PSD3: variants seen among roughly 807,000 people sequenced by gnomAD.
The protein encoded by PSD3 is PH and SEC7 domain-containing protein 3.
PSD3 carries 49 observed loss-of-function variants against 105.5 expected under a neutral mutation model. The observed-to-expected ratio is 0.46, with a 90% CI of 0.37 to 0.59. PSD3 has a LOEUF of 0.59. Ranked by LOEUF, PSD3 falls within the 20% of genes least tolerant of loss-of-function variation. The pLI is 0.00. For synonymous variants in PSD3, 557 were observed against 457.8 expected (o/e 1.22, Z -2.77); for missense variants, 1,561 against 1,263.8 (o/e 1.24, Z -3.57).
intron 1 of PSD3, among the ~76,000 whole-genome samples, chr8:19,066,287 C>A (rs1829073423): frequency 6.6e-6 from 1 of 152,200 alleles, no homozygotes; most frequent in African/African-American, 2.4e-5. Context: ...ATTACACAAT[C>A]CATCTCAGTT....
In PSD3 at chr8:18,845,691, C is replaced by A. The variant is rs965528921; in HGVS notation, c.1634+21983G>T. On this transcript the variant is annotated intron_variant, in intron 4 of 15. Transcript: ENST00000327040. Reference sequence around the variant, plus strand: ...GTGGCTCGCACCTGTAATCCCAACACTTTGAGAGGGCAAAGCAGGAGGATC... The same window carrying A: ...GTGGCTCGCACCTGTAATCCCAACAATTTGAGAGGGCAAAGCAGGAGGATC... 2.6e-5 allele frequency among the ~76,000 whole-genome samples: 4 copies of A among 152,128 alleles called. No homozygotes were observed. In the East Asian group the frequency reaches 7.7e-4, roughly 29 times the overall value.
chr8:18,778,339 T>C (rs1585948287), intron 8 of PSD3, among the ~76,000 whole-genome samples: 1 of 152,196 alleles, frequency 6.6e-6, no homozygotes, highest in Non-Finnish European at 1.5e-5. Context: ...TTTACTGAGT[T>C]CATCTATCAG....
chr8:18,807,691 T>C (rs1320060239), intron 4 of PSD3, among the ~76,000 whole-genome samples: 1 of 152,192 alleles, frequency 6.6e-6, no homozygotes, highest in Non-Finnish European at 1.5e-5. Context: ...CTCAACACCT[T>C]GAACAGTTTC....
At chr8:19,010,741 C>T (rs991305161) in intron 1 of PSD3, among the ~76,000 whole-genome samples, 8 of 152,026 alleles carry the variant, frequency 5.3e-5, no homozygotes, top group Admixed American at 1.3e-4. Context: ...ATGGGCACTC[C>T]GAACAAATGC....
chr8:18,771,790 T>A (rs549679063), intron 8 of PSD3, among the ~76,000 whole-genome samples: 42 of 152,332 alleles, frequency 2.8e-4, no homozygotes, highest in South Asian at 1.4e-3. Flanking sequence ...AGTTCAGTAC[T>A]GTTTCACATT....
At chr8:19,058,925 A>T (rs1024836971) in intron 1 of PSD3, among the ~76,000 whole-genome samples, 9 of 152,172 alleles carry the variant, frequency 5.9e-5, no homozygotes, top group African/African-American at 2.2e-4. Flanking sequence ...TAATTGAAGG[A>T]TGGGCACCCA....
At chr8:19,025,181 T>A (rs1827504285) in intron 1 of PSD3, among the ~76,000 whole-genome samples, 1 of 138,306 alleles carries the variant, frequency 7.2e-6, no homozygotes, top group African/African-American at 2.5e-5. Context: ...TAGGATCTCA[T>A]TACACACTCA....
chr8:18,967,512 C>T (rs1379908143), intron 1 of PSD3, among the ~76,000 whole-genome samples: 2 of 152,180 alleles, frequency 1.3e-5, no homozygotes, highest in Non-Finnish European at 2.9e-5. Context: ...AACCTGACAA[C>T]ATCAAAGCTA....
chr8:18,757,844 G>C (rs1044861466), intron 9 of PSD3, among the ~76,000 whole-genome samples: 1 of 152,074 alleles, frequency 6.6e-6, no homozygotes, highest in African/African-American at 2.4e-5. Flanking sequence ...TTTTAATACT[G>C]TTATATAGTT....
intron 10 of PSD3, among the ~76,000 whole-genome samples, chr8:18,647,907 G>T (rs966816658): frequency 6.6e-6 from 1 of 152,162 alleles, no homozygotes; most frequent in African/African-American, 2.4e-5. Flanking sequence ...CTCCGGCCAT[G>T]TGAAGTGCCA....
chr8:18,661,629 T>C (rs1309295139), intron 9 of PSD3, among the ~76,000 whole-genome samples: 1 of 152,128 alleles, frequency 6.6e-6, no homozygotes, highest in African/African-American at 2.4e-5. Flanking sequence ...TTTTGCCCCC[T>C]CCGCACCAGT....
chr8:18,656,944 A>T (rs543234040), intron 9 of PSD3, among the ~76,000 whole-genome samples: 3 of 152,232 alleles, frequency 2.0e-5, no homozygotes, highest in Non-Finnish European at 4.4e-5. Flanking sequence ...TCTAAGGTAC[A>T]AAACCACAAG....
intron 2 of PSD3, among the ~76,000 whole-genome samples, chr8:18,890,394 TC>T (rs530782759): frequency 2.8e-3 from 428 of 152,266 alleles, no homozygotes; most frequent in African/African-American, 9.9e-3. Context: ...TCAAGCTTAA[TC>T]TAGAGAGAAA....
intron 4 of PSD3, among the ~76,000 whole-genome samples, chr8:18,866,915 CAT>C (rs1554525403): frequency 1.3e-5 from 2 of 150,392 alleles, no homozygotes; most frequent in African/African-American, 2.5e-5. Context: ...CACACACACA[CAT>C]ATACCAAAAC....
chr8:18,611,460 C>A (rs562192716), intron 11 of PSD3, among the ~76,000 whole-genome samples: 1 of 152,044 alleles, frequency 6.6e-6, no homozygotes, highest in Non-Finnish European at 1.5e-5. Context: ...AACCAGAGAA[C>A]CTGGTTTGAG....
chr8:18,722,659 T>G (rs1211365815), intron 9 of PSD3, among the ~76,000 whole-genome samples: 2 of 152,118 alleles, frequency 1.3e-5, no homozygotes, highest in African/African-American at 4.8e-5. Context: ...TCCAAAAGAC[T>G]GAAACCAAGT....
intron 9 of PSD3, among the ~76,000 whole-genome samples, chr8:18,686,744 G>A (rs899100798): frequency 1.7e-4 from 26 of 152,042 alleles, no homozygotes; most frequent in African/African-American, 6.0e-4. Flanking sequence ...AGGTGAGTGC[G>A]TGGCACTTTA....
At chr8:18,587,726 T>C (rs989128309) in intron 12 of PSD3, among the ~76,000 whole-genome samples, 4 of 152,186 alleles carry the variant, frequency 2.6e-5, no homozygotes, top group East Asian at 3.9e-4. Flanking sequence ...GCTTAGTGAA[T>C]GCTCAATTTA....
intron 12 of PSD3, among the ~76,000 whole-genome samples, chr8:18,586,653 C>A (rs937839803): frequency 1.3e-5 from 2 of 152,052 alleles, no homozygotes; most frequent in African/African-American, 4.8e-5. Context: ...CTGGAATTGC[C>A]AGCCATTATG....
Sources: gnomAD v4.1 joint callset for allele counts (sites outside exome capture counted in the v4.1 genomes callset) on GRCh38, gnomAD v4.1.1 for gene constraint, MANE v1.5 for transcripts, NCBI Gene and HGNC (gene_info 2026-07-23, HGNC 2026-07-21) for gene names.